C16orf87: variants seen among roughly 807,000 people sequenced by gnomAD.
The protein encoded by C16orf87 is HDAC and MIER1 interacting protein 1, also known as UPF0547 protein C16orf87.
A neutral mutation model predicts 21.0 loss-of-function variants in C16orf87; 13 were observed. That is an observed-to-expected ratio of 0.62 (90% CI 0.40 to 0.98). C16orf87 has a LOEUF of 0.98. Ranked by LOEUF, C16orf87 falls within the 50% of genes least tolerant of loss-of-function variation. The pLI is 0.00. For synonymous variants in C16orf87, 49 were observed against 60.2 expected (o/e 0.81, Z 0.86); for missense variants, 113 against 180.4 (o/e 0.63, Z 2.14).
chr16:46,821,092 A>G (rs1959396443), intron 2 of C16orf87, among the ~76,000 whole-genome samples: 1 of 152,236 alleles, frequency 6.6e-6, no homozygotes. Context: ...AATTCCCTAC[A>G]TACCATGGGA....
chr16:46,799,214 G>A lies in C16orf87; in HGVS notation c.*3738C>T, dbSNP rs1967705457. On this transcript the variant is annotated 3_prime_UTR_variant, in exon 4 of 4. Coordinates refer to ENST00000285697, the MANE Select transcript of C16orf87 (RefSeq NM_001001436.4). ...AGTTATTAGTATAGTTGTAATCTTT[G>A]AGTAGTAAGTACTACTAATATTCAA... The A allele has an allele frequency of 6.6e-6, 1 of 152,066 alleles. No homozygotes were observed. Among genetic ancestry groups the A allele is most frequent in the Admixed American group, 6.6e-5 (1 of 15,260 alleles). 9.4% of individuals were successfully genotyped at this position (152,066 alleles called of 1,614,324 possible).
intron 2 of C16orf87, among the ~76,000 whole-genome samples, chr16:46,816,556 A>G (rs985379190): frequency 6.6e-6 from 1 of 152,220 alleles, no homozygotes; most frequent in African/African-American, 2.4e-5. Context: ...GAATAAAGCA[A>G]AAAGACAAAA....
intron 1 of C16orf87, among the ~76,000 whole-genome samples, chr16:46,829,112 A>T (rs1397461757): frequency 1.3e-5 from 2 of 152,182 alleles, no homozygotes; most frequent in African/African-American, 4.8e-5. Context: ...AAATTAAGTC[A>T]TGAGGGTGGG....
At position 46,801,087 on chromosome 16, in the gene C16orf87, A is replaced by G. The variant is rs1023359946; in HGVS notation, c.*1865T>C. 1.3e-5 allele frequency: 2 copies of G among 152,240 alleles called. No homozygotes were observed. The highest frequency in any genetic ancestry group is 2.9e-5 in the Non-Finnish European group (2 of 68,044). 9.4% of individuals were successfully genotyped at this position (152,240 alleles called of 1,614,324 possible). A position where few individuals can be genotyped will look rare whatever the true frequency, so the allele number is the denominator to read the frequency against. On this transcript the variant is annotated 3_prime_UTR_variant, in exon 4 of 4. Coordinates refer to ENST00000285697, the MANE Select transcript of C16orf87 (RefSeq NM_001001436.4). ...CTGTTCTTGCTTTTTCTGAGGACATATATATGTATACAAGCATTTTTAGAT... is the reference window on the plus strand; with the variant it reads ...CTGTTCTTGCTTTTTCTGAGGACATGTATATGTATACAAGCATTTTTAGAT...
intron 2 of C16orf87, among the ~76,000 whole-genome samples, chr16:46,814,073 A>T (rs1259840598): frequency 6.6e-6 from 1 of 152,220 alleles, no homozygotes; most frequent in Non-Finnish European, 1.5e-5. Flanking sequence ...GAAAAAGGAA[A>T]ATATATCTGT....
At chr16:46,803,988 A>C (rs1967848860) in intron 3 of C16orf87, among the ~76,000 whole-genome samples, 1 of 152,170 alleles carries the variant, frequency 6.6e-6, no homozygotes, top group Non-Finnish European at 1.5e-5. Flanking sequence ...TAATTAAATC[A>C]CAACTTTAGT....
At chr16:46,818,577 C>T (rs1366730466) in intron 2 of C16orf87, among the ~76,000 whole-genome samples, 1 of 151,760 alleles carries the variant, frequency 6.6e-6, no homozygotes, top group African/African-American at 2.4e-5. Flanking sequence ...TTTTTTCTTT[C>T]CTTTACAGGA....
chr16:46,798,607 G>C lies in C16orf87; in HGVS notation c.*4345C>G, dbSNP rs930206860. 1 of 152,058 alleles carries C rather than the reference G, an allele frequency of 6.6e-6. No individual in the cohort carries two copies. Among genetic ancestry groups the C allele is most frequent in the Non-Finnish European group, 1.5e-5 (1 of 68,062 alleles). The allele number at this position is 152,058 out of a possible 1,614,324, so 9.4% of individuals were successfully genotyped here. ...TACTAAAAATTCAAAAATTAGCCGG[G>C]CATGGTGATGCACACCTGTATACCC... On this transcript the variant is annotated 3_prime_UTR_variant, in exon 4 of 4. Transcript: ENST00000285697.
intron 1 of C16orf87, among the ~76,000 whole-genome samples, chr16:46,829,660 T>A (rs945941960): frequency 5.9e-5 from 9 of 152,206 alleles, no homozygotes; most frequent in Non-Finnish European, 1.3e-4. Context: ...ATTTAACAAA[T>A]TTAGTTCAGT....
In C16orf87 at chr16:46,816,313, G is replaced by A. The variant is rs370208753; in HGVS notation, c.164-6528C>T. ...AGTTCTGGAATTGGATGGTAGTGAT[G>A]GTTAAGAATACAATATGAATGCACT... On this transcript the variant is annotated intron_variant, in intron 2 of 3. Transcript: ENST00000285697. Among the ~76,000 whole-genome samples the A allele has an allele frequency of 4.6e-5, 7 of 152,104 alleles. No homozygotes were observed. In the East Asian group the frequency reaches 9.6e-4, roughly 21 times the overall value.
intron 2 of C16orf87, among the ~76,000 whole-genome samples, chr16:46,816,920 A>G (rs953923352): frequency 1.3e-5 from 2 of 152,180 alleles, no homozygotes; most frequent in Non-Finnish European, 2.9e-5. Context: ...TAGATGTGCA[A>G]TAAGAACTAC....
chr16:46,816,967 T>C (rs1466873062), intron 2 of C16orf87, among the ~76,000 whole-genome samples: 1 of 152,132 alleles, frequency 6.6e-6, no homozygotes, highest in Admixed American at 6.6e-5. Context: ...CTTCTTAAGG[T>C]GGAAGAAAGA....
chr16:46,803,446 T>C (rs772215018), intron 3 of C16orf87, among the ~76,000 whole-genome samples: 4 of 152,188 alleles, frequency 2.6e-5, no homozygotes, highest in African/African-American at 4.8e-5. Flanking sequence ...CATTAACATA[T>C]TCATCTTCAT....
chr16:46,827,201 T>C (rs1213999529), intron 1 of C16orf87, among the ~76,000 whole-genome samples: 1 of 152,140 alleles, frequency 6.6e-6, no homozygotes, highest in Non-Finnish European at 1.5e-5. Flanking sequence ...TATAGTCCTA[T>C]TTAAAATAAA....
intron 2 of C16orf87, among the ~76,000 whole-genome samples, chr16:46,823,917 G>C (rs1445925888): frequency 2.0e-5 from 3 of 152,122 alleles, no homozygotes; most frequent in South Asian, 2.1e-4. Flanking sequence ...CTGGGGTGGA[G>C]GTAGCAGGAA....
intron 2 of C16orf87, among the ~76,000 whole-genome samples, chr16:46,820,566 G>C (rs1047821057): frequency 6.6e-6 from 1 of 152,120 alleles, no homozygotes; most frequent in Non-Finnish European, 1.5e-5. Context: ...TTAACTAAAA[G>C]ATAATTTAGC....
rs950121718 is a variant in C16orf87 at position 46,798,071 on chromosome 16, A to C, written c.*4881T>G. The C allele has an allele frequency of 3.9e-5, 6 of 152,122 alleles. No individual in the cohort carries two copies. The highest frequency in any genetic ancestry group is 2.6e-4 in the Admixed American group (4 of 15,280). 9.4% of individuals were successfully genotyped at this position (152,122 alleles called of 1,614,324 possible). On this transcript the variant is annotated 3_prime_UTR_variant, in exon 4 of 4. Coordinates refer to ENST00000285697, the MANE Select transcript of C16orf87 (RefSeq NM_001001436.4). The stretch of plus-strand genomic sequence containing the variant: ...GAATTAAATAAATAAATAAATAAAT[A>C]AGTAAATTTTAAAATCAATGATCTG...
rs545118176 is a variant in C16orf87 at position 46,796,613 on chromosome 16, C to A, written c.*6339G>T. Reference sequence around the variant, plus strand: ...AAGTATACATGATAATGCATATGTTCATTATCTTTACTTTAGACATCCTAC... The same window carrying A: ...AAGTATACATGATAATGCATATGTTAATTATCTTTACTTTAGACATCCTAC... On this transcript the variant is annotated 3_prime_UTR_variant, in exon 4 of 4. Coordinates refer to ENST00000285697, the MANE Select transcript of C16orf87 (RefSeq NM_001001436.4). The A allele has an allele frequency of 3.3e-5, 5 of 152,280 alleles. No homozygotes were observed. Among genetic ancestry groups the A allele is most frequent in the African/African-American group, 1.2e-4 (5 of 41,566 alleles). 9.4% of individuals were successfully genotyped at this position (152,280 alleles called of 1,614,324 possible). A position where few individuals can be genotyped will look rare whatever the true frequency, so the allele number is the denominator to read the frequency against.
chr16:46,802,269 AAAC>A lies in C16orf87; in HGVS notation c.*680_*682del, dbSNP rs769781530. 29 of 152,448 alleles carry A rather than the reference AAAC, an allele frequency of 1.9e-4. No individual in the cohort carries two copies. The highest frequency in any genetic ancestry group is 2.9e-5 in the Non-Finnish European group (2 of 67,976). 9.4% of individuals were successfully genotyped at this position (152,448 alleles called of 1,614,324 possible). Reference sequence around the variant, plus strand: ...GCTAATAAATAAATTACATTCAAGAAAACAAGGTGTTTATATCTGAGTATATCA... The same window carrying A: ...GCTAATAAATAAATTACATTCAAGAAAAGGTGTTTATATCTGAGTATATCA... On this transcript the variant is annotated 3_prime_UTR_variant, in exon 4 of 4. Coordinates refer to ENST00000285697, the MANE Select transcript of C16orf87 (RefSeq NM_001001436.4).
Sources: gnomAD v4.1 joint callset for allele counts (sites outside exome capture counted in the v4.1 genomes callset) on GRCh38, gnomAD v4.1.1 for gene constraint, MANE v1.5 for transcripts, NCBI Gene and HGNC (gene_info 2026-07-23, HGNC 2026-07-21) for gene names.